Variants in CD22 observed in about 807,000 individuals in gnomAD.
CD22 encodes the protein B-cell receptor CD22.
In CD22, 51 loss-of-function variants were observed where a neutral mutation model predicts 94.7. The observed-to-expected ratio is 0.54, with a 90% CI of 0.43 to 0.68. The LOEUF (loss-of-function observed/expected upper bound fraction) is 0.68, where lower values mean the gene tolerates loss of function less well. CD22 is among the 30% of genes least tolerant of loss of function. The pLI is 0.00. For missense variants in CD22, 931 were observed against 1,060.4 expected (o/e 0.88, Z 1.69); for synonymous variants, 424 against 422.5 (o/e 1.00, Z -0.04).
At chr19:35,343,785 C>T (rs1218723391) in intron 9 of CD22, among the ~76,000 whole-genome samples, 2 of 152,028 alleles carry the variant, frequency 1.3e-5, no homozygotes, top group Admixed American at 1.3e-4. Flanking sequence ...ATAACAACAA[C>T]AAAAAAGAGT....
At chr19:35,335,980 TGTA>T in intron 3 of CD22, 53 bp from the exon 4 acceptor site, 1 of 1,469,824 alleles carries the variant, frequency 6.8e-7, no homozygotes, top group Non-Finnish European at 9.4e-7. Context: ...TAAAGCCAGG[TGTA>T]CGCTCACGTC....
At chr19:35,333,171 C>T (rs1359458883) in intron 3 of CD22, 2 of 512,346 alleles carry the variant, frequency 3.9e-6, no homozygotes, top group East Asian at 3.1e-5. Context: ...CCTGATCTTT[C>T]CCTCTTTCTT....
At position 35,344,942 on chromosome 19, in the gene CD22, C is replaced by A; in HGVS notation, c.2132+17C>A. On this transcript the variant is annotated intron_variant, in intron 10 of 13. Coordinates refer to ENST00000085219, the MANE Select transcript of CD22 (RefSeq NM_001771.4). The stretch of plus-strand genomic sequence containing the variant: ...CCAGCGACGGTGAGCTCCTGCCATC[C>A]CCCACCACCTCCTCTATCCCTTGGC... The A allele has an allele frequency of 1.2e-6, 2 of 1,607,690 alleles. No homozygotes were observed. Among genetic ancestry groups the A allele is most frequent in the Non-Finnish European group, 1.7e-6 (2 of 1,174,168 alleles).
At chr19:35,334,871 G>A (rs1394524113) in intron 3 of CD22, among the ~76,000 whole-genome samples, 2 of 152,108 alleles carry the variant, frequency 1.3e-5, no homozygotes, top group Admixed American at 6.5e-5. Flanking sequence ...AAGGTCAGGA[G>A]ATCGAGACCA....
chr19:35,338,900 A>T (rs1350495270), intron 6 of CD22, among the ~76,000 whole-genome samples: 1 of 151,290 alleles, frequency 6.6e-6, no homozygotes, highest in Non-Finnish European at 1.5e-5. Context: ...AAGTGCTGGG[A>T]TTAGAGGCGT....
rs760864802 is a variant in CD22 at position 35,338,408 on chromosome 19, C to T, written c.1226C>T (p.Pro409Leu). The change falls in exon 6 of 14, where the codon CCG (proline) becomes CTG (leucine). Residue 409 changes from proline to leucine, a missense_variant. Pro to Leu is a moderately conservative substitution (Grantham distance 98). Coordinates refer to ENST00000085219, the MANE Select transcript of CD22 (RefSeq NM_001771.4). Reference sequence around the variant, plus strand: ...ATTCTTGGTACTGGACAGAGGGGCCCGGGAGCTGAGCTGGATGTCCAGTGT... The same window carrying T: ...ATTCTTGGTACTGGACAGAGGGGCCTGGGAGCTGAGCTGGATGTCCAGTGT... ...ENILGTGQRG[P>L]GAELDVQYPP... 2.5e-5 allele frequency: 40 copies of T among 1,613,470 alleles called. No individual in the cohort carries two copies. The highest frequency in any genetic ancestry group is 2.0e-4 in the South Asian group (18 of 91,046).
chr19:35,346,550 C>A lies in CD22; in HGVS notation c.2413-16C>A. On this transcript the variant is annotated splice_polypyrimidine_tract_variant and intron_variant, in intron 13 of 13. Coordinates refer to ENST00000085219, the MANE Select transcript of CD22 (RefSeq NM_001771.4). Reference sequence around the variant, plus strand: ...GCGACAGTGGGGCCAGGCTAACCACCATGCGGTTTTCTCAGGGCGACTATG... The same window carrying A: ...GCGACAGTGGGGCCAGGCTAACCACAATGCGGTTTTCTCAGGGCGACTATG... 6.3e-7 allele frequency: 1 copy of A among 1,592,418 alleles called. No homozygotes were observed. Among genetic ancestry groups the A allele is most frequent in the South Asian group, 1.1e-5 (1 of 88,326 alleles).
Position 35,340,946 on chromosome 19 carries a change from A to G in CD22, c.1315A>G (p.Thr439Ala). 3.1e-6 allele frequency: 5 copies of G among 1,614,070 alleles called. No homozygotes were observed. Among genetic ancestry groups the G allele is most frequent in the Non-Finnish European group, 4.2e-6 (5 of 1,179,994 alleles). The change falls in exon 7 of 14, where the codon ACC (threonine) becomes GCC (alanine). Residue 439 changes from threonine (T) to alanine (A), a missense_variant. Coordinates refer to ENST00000085219, the MANE Select transcript of CD22 (RefSeq NM_001771.4). ...GCCGATTCGAGAAGGAGACACAGTG[A>G]CCCTTTCCTGTAACTACAATTCCAG... ...PMPIREGDTV[T>A]LSCNYNSSNP... is the part of the protein sequence containing the mutation.
chr19:35,335,862 C>A (rs2066715593), intron 3 of CD22, among the ~76,000 whole-genome samples, 174 bp from the exon 4 acceptor site: 1 of 151,908 alleles, frequency 6.6e-6, no homozygotes, highest in South Asian at 2.1e-4. Context: ...CTCAAAAAAA[C>A]AACAACACAA....
At chr19:35,336,598 G>T (rs931560015) in intron 4 of CD22, 5 of 502,286 alleles carry the variant, frequency 1.0e-5, no homozygotes, top group African/African-American at 7.7e-5. Context: ...CCCTCTTGGT[G>T]GGGATTTTTT....
Position 35,341,178 on chromosome 19 carries a change from C to T in CD22, c.1507+40C>T. On this transcript the variant is annotated intron_variant, in intron 7 of 13. Coordinates refer to ENST00000085219, the MANE Select transcript of CD22 (RefSeq NM_001771.4). This position sits in a 1 kb window ranked among gnomAD's most constrained non-coding sequence, Gnocchi z 4.0. ...TAGGCAGGGGGATCTGGGAGGTGGCCCGGCTGGGATGAGGGGATGAAGGCA... is the reference window on the plus strand; with the variant it reads ...TAGGCAGGGGGATCTGGGAGGTGGCTCGGCTGGGATGAGGGGATGAAGGCA... The T allele has an allele frequency of 6.2e-7, 1 of 1,611,924 alleles. No homozygotes were observed. Among genetic ancestry groups the T allele is most frequent in the Non-Finnish European group, 8.5e-7 (1 of 1,178,318 alleles).
chr19:35,330,741 C>T (rs1234218321), intron 1 of CD22: 5 of 152,136 alleles, frequency 3.3e-5, no homozygotes, highest in African/African-American at 9.7e-5. Flanking sequence ...CGGGGGCCAG[C>T]ACGGAGGGCC....
intron 10 of CD22, 40 bp downstream of exon 10, chr19:35,344,965 G>A (rs2066878783): frequency 6.2e-7 from 1 of 1,602,402 alleles, no homozygotes; most frequent in Middle Eastern, 1.7e-4. Flanking sequence ...TCTATCCCTT[G>A]GCAGAGGCCC....
chr19:35,333,220 G>A (rs1433037997), intron 3 of CD22: 1 of 411,390 alleles, frequency 2.4e-6, no homozygotes, highest in East Asian at 4.4e-5. Context: ...ACAAACTCGT[G>A]TTTGGCCTTA....
chr19:35,344,874 C>T lies in CD22; in HGVS notation c.2081C>T (p.Ser694Phe), dbSNP rs1298147775. 10 of 1,613,942 alleles carry T rather than the reference C, an allele frequency of 6.2e-6. No homozygotes were observed. Among genetic ancestry groups the T allele is most frequent in the Non-Finnish European group, 8.5e-6 (10 of 1,179,984 alleles). ...IGRRVAVGLG[S>F]CLAILILAIC... ...AGGCGAGTGGCTGTGGGACTCGGGT[C>T]CTGCCTCGCCATCCTCATCCTGGCA... Residue 694 changes from serine (S) to phenylalanine (F), a missense_variant, in exon 10 of 14, where the codon TCC becomes TTC. Coordinates refer to ENST00000085219, the MANE Select transcript of CD22 (RefSeq NM_001771.4).
rs1214222638 is a variant in CD22, at chr19:35,337,375, G to A, written c.719-380G>A. Among the ~76,000 whole-genome samples, 2 of 152,214 alleles carry A rather than the reference G, an allele frequency of 1.3e-5. No individual in the cohort carries two copies. Among genetic ancestry groups the A allele is most frequent in the Non-Finnish European group, 2.9e-5 (2 of 68,044 alleles). On this transcript the variant is annotated intron_variant, in intron 4 of 13. Coordinates refer to ENST00000085219, the MANE Select transcript of CD22 (RefSeq NM_001771.4). This position sits in a 1 kb window ranked among gnomAD's most constrained non-coding sequence, Gnocchi z 4.4. ...CAAAGCTTTGAGGCAGCAGCTGGGT[G>A]GGAGGACCTCAGAGGCTGAAGTTCA...
chr19:35,341,359 G>A lies in CD22; in HGVS notation c.1524G>A (p.Val508=), dbSNP rs2066805488. Residue 508 remains valine, a synonymous_variant, in exon 8 of 14, where the codon GTG becomes GTA. Transcript: ENST00000085219. The surrounding 1 kb of genome is among the most constrained non-coding windows in gnomAD (Gnocchi z 4.0). ...GCCCTCCAGATGCCCCCCGAGACGTGAGGGTCCGGAAAATCAAGCCCCTTT... is the reference window on the plus strand; with the variant it reads ...GCCCTCCAGATGCCCCCCGAGACGTAAGGGTCCGGAAAATCAAGCCCCTTT... ...ALNVQYAPRD[V]RVRKIKPLSE... 1 of 1,613,608 alleles carries A rather than the reference G, an allele frequency of 6.2e-7. No individual in the cohort carries two copies. Among genetic ancestry groups the A allele is most frequent in the Admixed American group, 1.7e-5 (1 of 59,980 alleles).
chr19:35,346,750 C>T lies in CD22; in HGVS notation c.*53C>T. 6.6e-7 allele frequency: 1 copy of T among 1,523,770 alleles called. No homozygotes were observed. The highest frequency in any genetic ancestry group is 8.8e-7 in the Non-Finnish European group (1 of 1,132,382). 94.4% of individuals were successfully genotyped at this position (1,523,770 alleles called of 1,614,324 possible). On this transcript the variant is annotated 3_prime_UTR_variant, in exon 14 of 14. Transcript: ENST00000085219. Reference sequence around the variant, plus strand: ...GGGGGCAGCGGGGGCCAGGGAAGTCCCCGAGTTTCCCCAGACACCGCCACA... The same window carrying T: ...GGGGGCAGCGGGGGCCAGGGAAGTCTCCGAGTTTCCCCAGACACCGCCACA...
rs1226329070 is a variant in CD22, at chr19:35,346,721, C to A, written c.*24C>A. The stretch of plus-strand genomic sequence containing the variant: ...GACACTGGATGGGCTGCAGCAGAGG[C>A]ACTGGGGGCAGCGGGGGCCAGGGAA... On this transcript the variant is annotated 3_prime_UTR_variant, in exon 14 of 14. Coordinates refer to ENST00000085219, the MANE Select transcript of CD22 (RefSeq NM_001771.4). 2.5e-6 allele frequency: 4 copies of A among 1,582,180 alleles called. No homozygotes were observed. The highest frequency in any genetic ancestry group is 3.4e-6 in the Non-Finnish European group (4 of 1,161,852).
Sources: allele counts gnomAD v4.1 joint callset (sites outside exome capture counted in the v4.1 genomes callset), GRCh38; gene constraint gnomAD v4.1.1; non-coding constraint Gnocchi (gnomAD v3.1); transcripts MANE v1.5; gene names NCBI Gene and HGNC (gene_info 2026-07-23, HGNC 2026-07-21).